CDC42EP4: variants seen among roughly 807,000 people sequenced by gnomAD.
CDC42EP4 encodes the protein CDC42 effector protein 4, also known as CDC42 effector protein (Rho GTPase binding) 4.
A neutral mutation model predicts 5.6 loss-of-function variants in CDC42EP4; 6 were observed. The ratio of observed to expected loss-of-function variants is 1.07; its 90% CI spans 0.59 to 2.12. CDC42EP4 has a LOEUF of 2.12. Ranked by LOEUF, CDC42EP4 falls within the 30% of genes most tolerant of loss-of-function variation. CDC42EP4 has a pLI of 0.00. For missense variants in CDC42EP4, 490 were observed against 508.6 expected (o/e 0.96, Z 0.35); for synonymous variants, 230 against 224.2 (o/e 1.03, Z -0.23).
chr17:73,297,001 A>AAAAACAC lies in CDC42EP4; in HGVS notation c.-112-10390_-112-10389insGTGTTTT, dbSNP rs547362762. Among the ~76,000 whole-genome samples, 65 of 61,738 alleles carry AAAAACAC rather than the reference A, an allele frequency of 1.1e-3. 9 individuals carry two copies. Among genetic ancestry groups the AAAAACAC allele is most frequent in the African/African-American group, 1.8e-3 (33 of 18,772 alleles). The allele number at this position is 61,738 out of a possible 152,430, so 40.5% of individuals were successfully genotyped here. On this transcript the variant is annotated intron_variant, in intron 1 of 1. Transcript: ENST00000335793. Reference sequence around the variant, plus strand: ...GTCTCAAAAAAAAAAAAAAAAAAAAAAAATACACAAGGCCAAGCGCCGTGG... The same window carrying AAAAACAC: ...GTCTCAAAAAAAAAAAAAAAAAAAAAAAAACACAAATACACAAGGCCAAGCGCCGTGG...
intron 1 of CDC42EP4, among the ~76,000 whole-genome samples, chr17:73,287,962 C>A (rs997360586): frequency 6.6e-6 from 1 of 152,170 alleles, no homozygotes; most frequent in African/African-American, 2.4e-5. Context: ...CCAGTGCAGA[C>A]CCCTTGATCC....
intron 1 of CDC42EP4, among the ~76,000 whole-genome samples, chr17:73,291,851 G>A (rs751938996): frequency 1.3e-5 from 2 of 152,144 alleles, no homozygotes; most frequent in East Asian, 1.9e-4. Flanking sequence ...AGGTGGGAAC[G>A]AGGAGCCCTC....
At chr17:73,288,193 C>T (rs2062143668) in intron 1 of CDC42EP4, among the ~76,000 whole-genome samples, 1 of 152,144 alleles carries the variant, frequency 6.6e-6, no homozygotes, top group Non-Finnish European at 1.5e-5. Flanking sequence ...CAGATACTGG[C>T]TACATTATTC....
intron 1 of CDC42EP4, among the ~76,000 whole-genome samples, chr17:73,294,634 T>C (rs113033894): frequency 0.023 from 3,476 of 152,202 alleles, 120 homozygotes; most frequent in African/African-American, 0.079. Flanking sequence ...GAATATGTAA[T>C]TTGTGTATAT....
intron 1 of CDC42EP4, among the ~76,000 whole-genome samples, chr17:73,299,445 ACACACACACAC>A (rs2062206822): frequency 1.7e-4 from 18 of 104,956 alleles, no homozygotes; most frequent in Non-Finnish European, 3.2e-4. Flanking sequence ...AAAAAAAAAT[ACACACACACAC>A]ACACACACAC....
intron 1 of CDC42EP4, among the ~76,000 whole-genome samples, chr17:73,301,054 ATT>A (rs1198904843): frequency 6.7e-6 from 1 of 149,340 alleles, no homozygotes. Context: ...TCTCAAAAAA[ATT>A]AAAAAAAAAA....
chr17:73,301,887 A>C (rs1157379277), intron 1 of CDC42EP4, among the ~76,000 whole-genome samples: 1 of 152,070 alleles, frequency 6.6e-6, no homozygotes, highest in Non-Finnish European at 1.5e-5. Context: ...ATGGGGTTTC[A>C]CCATGTTGGC....
chr17:73,308,622 G>C (rs960611778), intron 1 of CDC42EP4, among the ~76,000 whole-genome samples: 31 of 152,158 alleles, frequency 2.0e-4, no homozygotes, highest in African/African-American at 7.2e-4. Context: ...ACACCTTTTG[G>C]CCACACCTGC....
At chr17:73,307,561 C>A (rs983221315) in intron 1 of CDC42EP4, among the ~76,000 whole-genome samples, 1 of 151,452 alleles carries the variant, frequency 6.6e-6, no homozygotes, top group African/African-American at 2.4e-5. Context: ...CATTCTCCTG[C>A]CTCAGCCTCC....
chr17:73,299,015 G>A (rs1471746134), intron 1 of CDC42EP4, among the ~76,000 whole-genome samples: 5 of 151,830 alleles, frequency 3.3e-5, no homozygotes, highest in Admixed American at 2.0e-4. Context: ...GAGTGTAGTG[G>A]TGCTATCATG....
chr17:73,306,196 A>G (rs2062243515), intron 1 of CDC42EP4, among the ~76,000 whole-genome samples: 1 of 152,112 alleles, frequency 6.6e-6, no homozygotes, highest in Non-Finnish European at 1.5e-5. Context: ...TACTAGCAAC[A>G]AATAATGCAC....
Position 73,285,648 on chromosome 17 carries a change from C to A in CDC42EP4, c.853G>T (p.Gly285Trp). The A allele has an allele frequency of 6.3e-7, 1 of 1,593,186 alleles. No homozygotes were observed. The highest frequency in any genetic ancestry group is 8.6e-7 in the Non-Finnish European group (1 of 1,167,344). The change falls in exon 2 of 2, where the codon GGG (glycine) becomes TGG (tryptophan). Residue 285 changes from glycine (G) to tryptophan (W), a missense_variant. Coordinates refer to ENST00000335793, the MANE Select transcript of CDC42EP4 (RefSeq NM_012121.5). The surrounding 1 kb of genome is among the most constrained non-coding windows in gnomAD (Gnocchi z 6.8). ...GGGCTGGGGGCCGCTGCTGCCCACC[C>A]CTCATCCTCCAGAGCATGGGAGGGG... is the stretch of plus-strand genomic sequence containing the variant. ...SLPSHALEDE[G>W]WAAAAPSPGS...
intron 1 of CDC42EP4, among the ~76,000 whole-genome samples, chr17:73,301,146 A>G (rs1173100175): frequency 6.6e-6 from 1 of 152,220 alleles, no homozygotes; most frequent in Non-Finnish European, 1.5e-5. Flanking sequence ...GTATAAAAAA[A>G]GAGGATGTAT....
intron 1 of CDC42EP4, among the ~76,000 whole-genome samples, chr17:73,296,523 G>C (rs1432561442): frequency 6.6e-6 from 1 of 151,902 alleles, no homozygotes; most frequent in Non-Finnish European, 1.5e-5. Flanking sequence ...GCACCATTCA[G>C]CAGTCATGGA....
intron 1 of CDC42EP4, among the ~76,000 whole-genome samples, chr17:73,292,053 C>G (rs532304595): frequency 6.6e-6 from 1 of 152,230 alleles, no homozygotes; most frequent in Non-Finnish European, 1.5e-5. Flanking sequence ...AGTGACCGGG[C>G]AGTGGCCTGT....
At chr17:73,295,256 G>C (rs998880200) in intron 1 of CDC42EP4, among the ~76,000 whole-genome samples, 1 of 152,106 alleles carries the variant, frequency 6.6e-6, no homozygotes, top group Non-Finnish European at 1.5e-5. Context: ...GACCAGGAGA[G>C]GTGACTTGCC....
At chr17:73,307,510 C>T (rs964947069) in intron 1 of CDC42EP4, among the ~76,000 whole-genome samples, 9 of 149,104 alleles carry the variant, frequency 6.0e-5, no homozygotes, top group Admixed American at 4.0e-4. Flanking sequence ...TGCAGTGGCG[C>T]GATCTCGGCT....
Position 73,286,211 on chromosome 17 carries a change from C to G in CDC42EP4, c.290G>C (p.Arg97Pro). ...GGAGCCCAGCATGTCACGCTGCTCC[C>G]GCTCCCCCCTGGTCACCGACTGTGA... ...KRSQSVTRGE[R>P]EQRDMLGSLR... The change falls in exon 2 of 2, where the codon CGG becomes CCG. Residue 97 changes from arginine (R) to proline (P), a missense_variant. Transcript: ENST00000335793. This position sits in a 1 kb window ranked among gnomAD's most constrained non-coding sequence, Gnocchi z 7.7. The G allele has an allele frequency of 6.2e-7, 1 of 1,614,150 alleles. No individual in the cohort carries two copies. Among genetic ancestry groups the G allele is most frequent in the East Asian group, 2.2e-5 (1 of 44,876 alleles).
At chr17:73,291,187 G>A (rs935294629) in intron 1 of CDC42EP4, among the ~76,000 whole-genome samples, 2 of 152,178 alleles carry the variant, frequency 1.3e-5, no homozygotes, top group Non-Finnish European at 2.9e-5. Context: ...CTCGCTTCCT[G>A]GGGGGTTGGG....
Sources: allele counts gnomAD v4.1 joint callset (sites outside exome capture counted in the v4.1 genomes callset), GRCh38; gene constraint gnomAD v4.1.1; non-coding constraint Gnocchi (gnomAD v3.1); transcripts MANE v1.5; gene names NCBI Gene and HGNC (gene_info 2026-07-23, HGNC 2026-07-21).